Variants in HIBCH observed in about 807,000 individuals in gnomAD.
HIBCH encodes 3-hydroxyisobutyryl-CoA hydrolase, mitochondrial.
Under a neutral mutation model 58.2 loss-of-function variants are expected in HIBCH, and 50 were observed. The ratio of observed to expected loss-of-function variants is 0.86; its 90% CI spans 0.68 to 1.09. The LOEUF (loss-of-function observed/expected upper bound fraction) is 1.09. Ranked by LOEUF, HIBCH falls within the 50% of genes least tolerant of loss-of-function variation. The pLI is 0.00. For missense variants in HIBCH, 450 were observed against 449.7 expected (o/e 1.00, Z -0.01); for synonymous variants, 151 against 146.9 (o/e 1.03, Z -0.20).
intron 11 of HIBCH, among the ~76,000 whole-genome samples, chr2:190,232,409 C>T (rs1686128449): frequency 6.6e-6 from 1 of 152,144 alleles, no homozygotes; most frequent in Non-Finnish European, 1.5e-5. Flanking sequence ...AAGCAGAGTG[C>T]CTACACTACC....
chr2:190,293,494 G>C (rs955123398), intron 4 of HIBCH, among the ~76,000 whole-genome samples: 2 of 151,924 alleles, frequency 1.3e-5, no homozygotes, highest in African/African-American at 4.8e-5. Context: ...ATAAAAAAAC[G>C]CATGTTGTAG....
intron 11 of HIBCH, among the ~76,000 whole-genome samples, chr2:190,223,681 T>G (rs533512043): frequency 6.6e-6 from 1 of 152,352 alleles, no homozygotes; most frequent in Non-Finnish European, 1.5e-5. Flanking sequence ...TGGAAAGGGC[T>G]ATTGCCCTTG....
chr2:190,194,684 T>C (rs1689887302), intron 1 of HIBCH, among the ~76,000 whole-genome samples: 1 of 152,208 alleles, frequency 6.6e-6, no homozygotes, highest in Non-Finnish European at 1.5e-5. Flanking sequence ...CTGTTCCACC[T>C]ATTCATCTCA....
chr2:190,198,965 C>A (rs1690110529), downstream of HIBCH, among the ~76,000 whole-genome samples: 1 of 152,200 alleles, frequency 6.6e-6, no homozygotes, highest in Admixed American at 6.5e-5. Flanking sequence ...TAACCTTAAT[C>A]TGAGCTTCTG....
At chr2:190,259,372 T>TGTGTGTGTGTGTGTG (rs1553501637) in intron 7 of HIBCH, among the ~76,000 whole-genome samples, 1 of 147,030 alleles carries the variant, frequency 6.8e-6, no homozygotes, top group African/African-American at 2.6e-5. Context: ...TGTGTGTCTG[T>TGTGTGTGTGTGTGTG]CTGACTGACA....
intron 9 of HIBCH, among the ~76,000 whole-genome samples, chr2:190,248,883 A>C (rs369501415): frequency 3.3e-5 from 5 of 152,110 alleles, no homozygotes; most frequent in South Asian, 2.1e-4. Context: ...AAAAACAAAA[A>C]AAAAACTTAT....
downstream of HIBCH, chr2:190,200,199 G>A (rs766857632): frequency 2.6e-6 from 4 of 1,511,874 alleles, no homozygotes; most frequent in East Asian, 2.3e-5. Context: ...TTGAATAAAT[G>A]TGACAAAAGC....
At chr2:190,300,990 A>G (rs1054831659) in intron 2 of HIBCH, among the ~76,000 whole-genome samples, 1 of 152,206 alleles carries the variant, frequency 6.6e-6, no homozygotes, top group Non-Finnish European at 1.5e-5. Flanking sequence ...GTTAGTCAAA[A>G]GAGAAATCTA....
At chr2:190,200,001 A>C (rs1388451416), downstream of HIBCH, 2 of 1,613,998 alleles carry the variant, frequency 1.2e-6, no homozygotes, top group African/African-American at 1.3e-5. Flanking sequence ...TCAAAGAGGA[A>C]GTGAAGGAAC....
At chr2:190,218,096 C>A (rs1016440239) in intron 11 of HIBCH, among the ~76,000 whole-genome samples, 1 of 151,954 alleles carries the variant, frequency 6.6e-6, no homozygotes, top group African/African-American at 2.4e-5. Context: ...CCCCCACCCC[C>A]CAAACTATAA....
chr2:190,246,312 C>A, intron 9 of HIBCH, 100 bp from the exon 10 acceptor site: 1 of 711,408 alleles, frequency 1.4e-6, no homozygotes, highest in South Asian at 1.7e-5. Context: ...TGTCACTTGT[C>A]ACTTTCAGTC....
chr2:190,311,072 C>T, intron 1 of HIBCH: 3 of 598,664 alleles, frequency 5.0e-6, no homozygotes, highest in Non-Finnish European at 6.2e-6. Flanking sequence ...TTCAATACAA[C>T]CATATAAAAT....
chr2:190,245,028 C>T (rs758213487), intron 10 of HIBCH, 60 bp from the exon 11 acceptor site: 93 of 1,059,084 alleles, frequency 8.8e-5, no homozygotes, highest in Middle Eastern at 2.2e-4. Flanking sequence ...TTCTAACATA[C>T]GATGAATCTG....
At chr2:190,259,372 T>TGTGTGTGTGTGTGTGG (rs1553501637) in intron 7 of HIBCH, among the ~76,000 whole-genome samples, 2 of 147,028 alleles carry the variant, frequency 1.4e-5, no homozygotes, top group East Asian at 2.0e-4. Context: ...TGTGTGTCTG[T>TGTGTGTGTGTGTGTGG]CTGACTGACA....
chr2:190,212,593 T>C (rs1323424372), intron 12 of HIBCH, among the ~76,000 whole-genome samples: 1 of 152,224 alleles, frequency 6.6e-6, no homozygotes, highest in African/African-American at 2.4e-5. Flanking sequence ...TATCTGCTTA[T>C]AAATAATCCT....
intron 5 of HIBCH, among the ~76,000 whole-genome samples, chr2:190,288,867 T>C (rs533073095): frequency 2.1e-4 from 32 of 152,260 alleles, no homozygotes; most frequent in Non-Finnish European, 2.9e-4. Context: ...ATCCCAGTAC[T>C]TTGGGAGGCC....
chr2:190,265,122 CAAAAAAAAAAAAA>C (rs1167140474), intron 6 of HIBCH, among the ~76,000 whole-genome samples: 5 of 56,278 alleles, frequency 8.9e-5, no homozygotes, highest in East Asian at 3.6e-4. Context: ...GACTCCGTCT[CAAAAAAAAAAAAA>C]AAAAAAAAAA....
intron 7 of HIBCH, 97 bp downstream of exon 7, chr2:190,261,059 C>G: frequency 1.1e-6 from 1 of 885,880 alleles, no homozygotes; most frequent in Non-Finnish European, 1.9e-6. Context: ...GCATCTCACA[C>G]AAGAGTCCAT....
intron 4 of HIBCH, among the ~76,000 whole-genome samples, chr2:190,292,697 CAAAA>C (rs1398495668): frequency 6.6e-6 from 1 of 152,038 alleles, no homozygotes; most frequent in Admixed American, 6.6e-5. Flanking sequence ...AACAAACAAA[CAAAA>C]AATGACTATC....
Sources: gnomAD v4.1 joint callset for allele counts (sites outside exome capture counted in the v4.1 genomes callset) on GRCh38, gnomAD v4.1.1 for gene constraint, MANE v1.5 for transcripts, NCBI Gene and HGNC (gene_info 2026-07-23, HGNC 2026-07-21) for gene names.